The following MACROD2 variants were observed in gnomAD, a reference collection of about 807,000 sequenced individuals.
The protein encoded by MACROD2 is ADP-ribose glycohydrolase MACROD2.
Under a neutral mutation model 70.4 loss-of-function variants are expected in MACROD2, and 36 were observed. The observed-to-expected ratio is 0.51, with a 90% CI of 0.39 to 0.68. MACROD2 has a LOEUF of 0.68. Among genes scored for constraint, MACROD2 ranks in the 30% least tolerant of loss-of-function variants. The probability of loss-of-function intolerance (pLI) is 0.00; values close to 1 mark genes in which losing one functional copy is unlikely to be tolerated. For synonymous variants in MACROD2, 172 were observed against 178.8 expected (o/e 0.96, Z 0.30); for missense variants, 496 against 538.4 (o/e 0.92, Z 0.78).
At chr20:14,712,361 A>C (rs1054055071) in intron 5 of MACROD2, among the ~76,000 whole-genome samples, 1 of 152,190 alleles carries the variant, frequency 6.6e-6, no homozygotes, top group Admixed American at 6.5e-5. Context: ...AGCCAACAGC[A>C]GTGCTCACTT....
chr20:15,882,315 G>C (rs2064766060), intron 9 of MACROD2, among the ~76,000 whole-genome samples: 1 of 152,026 alleles, frequency 6.6e-6, no homozygotes, highest in South Asian at 2.1e-4. Flanking sequence ...ACAATTTTTT[G>C]AGGAGCAATA....
chr20:14,560,539 C>T (rs1233733070), intron 4 of MACROD2, among the ~76,000 whole-genome samples: 1 of 151,806 alleles, frequency 6.6e-6, no homozygotes, highest in African/African-American at 2.4e-5. Flanking sequence ...TTTAAAATGT[C>T]ACAACTCATT....
At chr20:14,567,320 G>T (rs1156524572) in intron 4 of MACROD2, among the ~76,000 whole-genome samples, 4 of 151,980 alleles carry the variant, frequency 2.6e-5, no homozygotes, top group Non-Finnish European at 4.4e-5. Flanking sequence ...GTATTAAAAA[G>T]AATGAGCTAG....
At chr20:14,227,763 C>T (rs1021100666) in intron 3 of MACROD2, among the ~76,000 whole-genome samples, 2 of 152,160 alleles carry the variant, frequency 1.3e-5, no homozygotes, top group African/African-American at 4.8e-5. Context: ...TTAAAATTTC[C>T]CTTTGCTTTT....
intron 6 of MACROD2, among the ~76,000 whole-genome samples, chr20:15,382,095 A>G (rs1325234710): frequency 3.3e-5 from 5 of 152,202 alleles, no homozygotes; most frequent in Admixed American, 3.3e-4. Flanking sequence ...ACTACTAGTC[A>G]CAATAGGACT....
intron 7 of MACROD2, among the ~76,000 whole-genome samples, chr20:15,439,758 C>T (rs6034191): frequency 0.64 from 97,104 of 152,046 alleles, 31,901 homozygotes; most frequent in African/African-American, 0.78. Flanking sequence ...TCCAACGTGA[C>T]GTTTCCAGGA....
intron 10 of MACROD2, among the ~76,000 whole-genome samples, chr20:15,895,883 G>T (rs1157091980): frequency 1.3e-5 from 2 of 152,150 alleles, no homozygotes; most frequent in Non-Finnish European, 2.9e-5. Flanking sequence ...CTCAGGATAT[G>T]GTTAAGTGAT....
chr20:14,767,871 T>C (rs756436023), intron 5 of MACROD2, among the ~76,000 whole-genome samples: 1 of 151,978 alleles, frequency 6.6e-6, no homozygotes, highest in Non-Finnish European at 1.5e-5. Flanking sequence ...CTCCCACTTA[T>C]AAGTGAGAAC....
Position 16,018,508 on chromosome 20 carries a change from T to C in MACROD2, c.1154-22693T>C, listed in dbSNP as rs114602154. Among the ~76,000 whole-genome samples the C allele has an allele frequency of 5.5e-3, 845 of 152,260 alleles. 4 individuals are homozygous for C. The highest frequency in any genetic ancestry group is 0.018 in the African/African-American group (739 of 41,532). ...CTTGCAGATGGTCTTATCTCCTACT[T>C]TGCTGAGAAAATCAAGGTCATTAAA... On this transcript the variant is annotated intron_variant, in intron 15 of 17. Coordinates refer to ENST00000684519, the MANE Select transcript of MACROD2 (RefSeq NM_001351661.2).
chr20:15,812,354 G>A lies in MACROD2; in HGVS notation c.646-50391G>A, dbSNP rs2063829979. Among the ~76,000 whole-genome samples the A allele has an allele frequency of 2.6e-5, 4 of 152,156 alleles. No homozygotes were observed. The South Asian group carries it at 8.3e-4, about 32-fold the overall frequency. On this transcript the variant is annotated intron_variant, in intron 8 of 17. Coordinates refer to ENST00000684519, the MANE Select transcript of MACROD2 (RefSeq NM_001351661.2). ...CACACAAAGTGCAAGAATAACTCAT[G>A]CTCCATTGATCCTCCATAATAGTTA...
intron 6 of MACROD2, among the ~76,000 whole-genome samples, chr20:15,239,771 T>C (rs933578274): frequency 2.0e-5 from 3 of 152,156 alleles, no homozygotes; most frequent in Admixed American, 2.0e-4. Flanking sequence ...AAGAAAGAAA[T>C]AGGTTAACAC....
chr20:15,593,161 T>C (rs1319286905), intron 8 of MACROD2, among the ~76,000 whole-genome samples: 1 of 152,158 alleles, frequency 6.6e-6, no homozygotes, highest in East Asian at 1.9e-4. Context: ...TATGAAGCAA[T>C]TATCAAGTTG....
intron 5 of MACROD2, among the ~76,000 whole-genome samples, chr20:14,999,838 A>G (rs562486455): frequency 6.6e-6 from 1 of 152,332 alleles, no homozygotes; most frequent in African/African-American, 2.4e-5. Flanking sequence ...ACAAAATAGC[A>G]ATGCAAAGGC....
At chr20:14,431,383 TCA>T (rs2083993299) in intron 3 of MACROD2, among the ~76,000 whole-genome samples, 1 of 152,044 alleles carries the variant, frequency 6.6e-6, no homozygotes, top group South Asian at 2.1e-4. Flanking sequence ...AGAAGAAAGG[TCA>T]CAAGAATTTA....
intron 8 of MACROD2, among the ~76,000 whole-genome samples, chr20:15,556,218 T>A (rs2048167245): frequency 6.6e-6 from 1 of 152,220 alleles, no homozygotes; most frequent in Non-Finnish European, 1.5e-5. Flanking sequence ...TTAATCTATT[T>A]GGGGATTAAA....
rs531620892 is a variant in MACROD2, at chr20:14,744,062, T to C, written c.418+59103T>C. ...AATCAGCTTGACCACACTTCAACTT[T>C]AGATCATTCAAATAGAGTTTGGACT... On this transcript the variant is annotated intron_variant, in intron 5 of 17. Coordinates refer to ENST00000684519, the MANE Select transcript of MACROD2 (RefSeq NM_001351661.2). 3.9e-5 allele frequency among the ~76,000 whole-genome samples: 6 copies of C among 152,324 alleles called. No individual in the cohort carries two copies. In the East Asian group the frequency reaches 7.7e-4, roughly 20 times the overall value.
intron 3 of MACROD2, among the ~76,000 whole-genome samples, chr20:14,398,027 CT>C: frequency 6.6e-6 from 1 of 152,114 alleles, no homozygotes; most frequent in Non-Finnish European, 1.5e-5. Flanking sequence ...ACATAATGGC[CT>C]TCAGGTTCAT....
rs147495709 is a variant in MACROD2, at chr20:15,264,746, G to C, written c.540+34685G>C. 4.2e-4 allele frequency among the ~76,000 whole-genome samples: 64 copies of C among 152,110 alleles called. 1 individual carries two copies. In the East Asian group the frequency reaches 0.012, roughly 29 times the overall value. On this transcript the variant is annotated intron_variant, in intron 6 of 17. Transcript: ENST00000684519. ...TCCTCTCCTGCCACAAAGAGTTAGA[G>C]GATGAGGGGATTAACAACAATCTCA...
At chr20:15,389,141 C>T (rs1342949232) in intron 6 of MACROD2, among the ~76,000 whole-genome samples, 1 of 152,124 alleles carries the variant, frequency 6.6e-6, no homozygotes, top group Non-Finnish European at 1.5e-5. Context: ...GGAGTAGAGA[C>T]ATGGTACCTG....
Sources: gnomAD v4.1 joint callset for allele counts (sites outside exome capture counted in the v4.1 genomes callset) on GRCh38, gnomAD v4.1.1 for gene constraint, MANE v1.5 for transcripts, NCBI Gene and HGNC (gene_info 2026-07-23, HGNC 2026-07-21) for gene names.